The following SIGLEC11 variants were observed in gnomAD, a reference collection of about 807,000 sequenced individuals.
SIGLEC11 encodes sialic acid binding Ig like lectin 11.
SIGLEC11 carries 47 observed loss-of-function variants against 61.2 expected under a neutral mutation model. The ratio of observed to expected loss-of-function variants is 0.77; its 90% confidence interval spans 0.61 to 0.98. SIGLEC11 has a LOEUF of 0.98. Ranked by LOEUF, SIGLEC11 falls within the 50% of genes least tolerant of loss-of-function variation. SIGLEC11 has a pLI of 0.00. For synonymous variants in SIGLEC11, 278 were observed against 373.1 expected, an observed-to-expected ratio of 0.75 and a Z score of 2.94; for missense variants, 610 against 870.3, an observed-to-expected ratio of 0.70 and a Z score of 3.76.
In SIGLEC11 at chr19:49,951,329, A is replaced by G. The variant is rs570550360; in HGVS notation, c.1830+562T>C. Among the ~76,000 whole-genome samples the G allele has an allele frequency of 6.6e-6, 1 of 152,280 alleles. No individual in the cohort carries two copies. Among genetic ancestry groups the G allele is most frequent in the Non-Finnish European group, 1.5e-5 (1 of 68,014 alleles). On this transcript the variant is annotated intron_variant, in intron 10 of 10. Coordinates refer to ENST00000447370, the MANE Select transcript of SIGLEC11 (RefSeq NM_052884.3). The surrounding 1 kb of genome is among the most constrained non-coding windows in gnomAD (Gnocchi z 4.6). ...GGCCACCGGAAGCTGTGGGTTTGGT[A>G]TCTCCTGGACCTGCCCTGAGCACCT...
At chr19:49,953,356 C>T (rs1375198198) in intron 8 of SIGLEC11, among the ~76,000 whole-genome samples, 1 of 152,132 alleles carries the variant, frequency 6.6e-6, no homozygotes, top group Non-Finnish European at 1.5e-5. Context: ...GGGTGCCTAA[C>T]AGTCCGACCC....
chr19:49,958,997 G>C, intron 6 of SIGLEC11, 33 bp downstream of exon 6: 1 of 1,613,596 alleles, frequency 6.2e-7, no homozygotes, highest in Non-Finnish European at 8.5e-7. Context: ...GTTTGGCACT[G>C]AGAGGCCCTG....
chr19:49,959,113 C>T lies in SIGLEC11; in HGVS notation c.1058-36G>A, dbSNP rs369689146. ...GACAGGGGACCGGCTCTAGACAGAC[C>T]AGGGGCTTCCCTCTGGGTAAAGGGA... On this transcript the variant is annotated intron_variant, in intron 5 of 10. Transcript: ENST00000447370. 14 of 1,612,926 alleles carry T rather than the reference C, an allele frequency of 8.7e-6. No individual in the cohort carries two copies. In the African/African-American group the frequency reaches 1.9e-4, roughly 22 times the overall value.
chr19:49,954,215 C>T (rs2076179868), intron 8 of SIGLEC11, among the ~76,000 whole-genome samples: 1 of 152,080 alleles, frequency 6.6e-6, no homozygotes, highest in South Asian at 2.1e-4. Flanking sequence ...AGAAAAACCC[C>T]AGAAAGAGCA....
Position 49,951,800 on chromosome 19 carries a change from A to C in SIGLEC11, c.1830+91T>G, listed in dbSNP as rs1196977141. ...AGGAGCAAAACCCTATTTGGGGCAC[A>C]ATGATTCTGCAAGTCACCAAGAGGA... On this transcript the variant is annotated intron_variant, in intron 10 of 10. Coordinates refer to ENST00000447370, the MANE Select transcript of SIGLEC11 (RefSeq NM_052884.3). The surrounding 1 kb of genome is among the most constrained non-coding windows in gnomAD (Gnocchi z 4.6). 1.7e-6 allele frequency: 2 copies of C among 1,150,354 alleles called. No individual in the cohort carries two copies. Among genetic ancestry groups the C allele is most frequent in the African/African-American group, 3.1e-5 (2 of 64,030 alleles). 71.3% of individuals were successfully genotyped at this position (1,150,354 alleles called of 1,614,324 possible).
Position 49,958,537 on chromosome 19 carries a change from C to T in SIGLEC11, c.1397G>A (p.Trp466Ter). The change falls in exon 8 of 11, where the codon TGG (tryptophan) becomes TAG (stop). Residue 466 changes from tryptophan to a stop codon, truncating the protein, a stop_gained. Coordinates refer to ENST00000447370, the MANE Select transcript of SIGLEC11 (RefSeq NM_052884.3). LOFTEE classifies it high-confidence loss of function. ...PPQLLGPSCS[W>*]EAEGLHCSCS... ...GCTGCAGTGCAGACCCTCAGCCTCC[C>T]AGGAGCAGGAGGGGCCCAGCAGCTG... is the stretch of plus-strand genomic sequence containing the variant. The T allele has an allele frequency of 6.3e-7, 1 of 1,587,074 alleles. No individual in the cohort carries two copies. Among genetic ancestry groups the T allele is most frequent in the Non-Finnish European group, 8.6e-7 (1 of 1,167,202 alleles).
chr19:49,955,934 CAAAAA>C lies in SIGLEC11; in HGVS notation c.1651+2344_1651+2348del, dbSNP rs55957420. 1.1e-5 allele frequency among the ~76,000 whole-genome samples: 1 copy of C among 91,584 alleles called. No individual in the cohort carries two copies. The highest frequency in any genetic ancestry group is 2.5e-5 in the Non-Finnish European group (1 of 40,730). The allele number at this position is 91,584 out of a possible 152,430, so 60.1% of individuals were successfully genotyped here. A position where few individuals can be genotyped will look rare whatever the true frequency, so the allele number is the denominator to read the frequency against. ...AGGGCAACAGAGCGAGACTCCGTCT[CAAAAA>C]AAAAAAAAAAAAGAACTTGTACTTA... On this transcript the variant is annotated intron_variant, in intron 8 of 10. Transcript: ENST00000447370. The surrounding 1 kb of genome is among the most constrained non-coding windows in gnomAD (Gnocchi z 4.5).
In SIGLEC11 at chr19:49,958,445, TC is replaced by T. The variant is rs1221585039; in HGVS notation, c.1488del (p.Asn497ThrfsTer22). 6.2e-7 allele frequency: 1 copy of T among 1,613,416 alleles called. No individual in the cohort carries two copies. Among genetic ancestry groups the T allele is most frequent in the African/African-American group, 1.3e-5 (1 of 74,904 alleles). On this transcript the variant is annotated frameshift_variant, in exon 8 of 11. Coordinates refer to ENST00000447370, the MANE Select transcript of SIGLEC11 (RefSeq NM_052884.3). LOFTEE classifies it high-confidence loss of function. ...ACCTCGAAGGAGCCCTGACTGCTGT[TC>T]CCCTCCAGCAGCTCCTCCCCAAGCC... ...RWWLGEELLE[G>X]NSSQGSFEVT...
chr19:49,958,294 TG>T lies in SIGLEC11; in HGVS notation c.1639del (p.Gln547SerfsTer38), dbSNP rs752678812. ...CACAGTCCCCTCACCTGGTAGCAGC[TG>T]GAAGACAGAGCCACTCTGGGCCCCG... ...VHGAQSGSVFQLLPGKLEHGG... is the reference protein window; with the variant it reads ...VHGAQSGSVFXLLPGKLEHGG... On this transcript the variant is annotated frameshift_variant, in exon 8 of 11. Transcript: ENST00000447370. LOFTEE classifies it high-confidence loss of function. The T allele has an allele frequency of 2.5e-6, 4 of 1,614,054 alleles. No individual in the cohort carries two copies. Among genetic ancestry groups the T allele is most frequent in the South Asian group, 1.1e-5 (1 of 91,066 alleles).
Position 49,949,519 on chromosome 19 carries a change from T to A in SIGLEC11, c.*451A>T, listed in dbSNP as rs2076144112. 1 of 152,260 alleles carries A rather than the reference T, an allele frequency of 6.6e-6. No individual in the cohort carries two copies. The highest frequency in any genetic ancestry group is 2.1e-4 in the South Asian group (1 of 4,826). The allele number at this position is 152,260 out of a possible 1,614,324, so 9.4% of individuals were successfully genotyped here. A position where few individuals can be genotyped will look rare whatever the true frequency, so the allele number is the denominator to read the frequency against. ...GAACCATAGACACGATGCCTCAAAG[T>A]GTCATCTTCAAACTCGCTCTGAATT... On this transcript the variant is annotated 3_prime_UTR_variant, in exon 11 of 11. Transcript: ENST00000447370.
rs1457034481 is a variant in SIGLEC11, at chr19:49,950,200, CT to C, written c.1866del (p.Asp623ThrfsTer30). 1 of 1,600,372 alleles carries C rather than the reference CT, an allele frequency of 6.2e-7. No homozygotes were observed. Among genetic ancestry groups the C allele is most frequent in the African/African-American group, 1.3e-5 (1 of 74,648 alleles). ...GTGGCTGCACCTGGGGGCGGGTGGT[CT>C]TGGGAGCTGCCTGCCGAGCATTCAT... ...HQHECSAGSS[Q>X]DHPPPGAATY... is the part of the protein sequence containing the mutation. On this transcript the variant is annotated frameshift_variant, in exon 11 of 11. Transcript: ENST00000447370. LOFTEE classifies it low-confidence loss of function (END_TRUNC).
chr19:49,959,283 G>C, intron 5 of SIGLEC11, 77 bp downstream of exon 5: 1 of 1,582,240 alleles, frequency 6.3e-7, no homozygotes, highest in South Asian at 1.1e-5. Flanking sequence ...GACCCCCTCA[G>C]CTCTGGGACC....
At chr19:49,950,625 C>T (rs1245537306) in intron 10 of SIGLEC11, among the ~76,000 whole-genome samples, 1 of 152,152 alleles carries the variant, frequency 6.6e-6, no homozygotes, top group Non-Finnish European at 1.5e-5. Context: ...TCTCTGACTC[C>T]AGTGCCCGCT....
At chr19:49,954,295 C>G (rs201611696) in intron 8 of SIGLEC11, among the ~76,000 whole-genome samples, 12 of 152,188 alleles carry the variant, frequency 7.9e-5, no homozygotes, top group African/African-American at 2.9e-4. Flanking sequence ...CAGCCTACCC[C>G]CCTTTACTGA....
At position 49,950,155 on chromosome 19, in the gene SIGLEC11, C is replaced by T; in HGVS notation, c.1912G>A (p.Glu638Lys). ...GAGGCATAGTGGAGCTCCTGCTCTTCCCCCTTCCCCGGGGTGTAGGTGGCT... is the reference window on the plus strand; with the variant it reads ...GAGGCATAGTGGAGCTCCTGCTCTTTCCCCTTCCCCGGGGTGTAGGTGGCT... ...GAATYTPGKGEEQELHYASLS... is the reference protein window; with the variant it reads ...GAATYTPGKGKEQELHYASLS... The change falls in exon 11 of 11, where the codon GAA becomes AAA. Residue 638 changes from glutamate to lysine, a missense_variant. This residue lies in a region of SIGLEC11 where 432 missense variants were observed against 441.5 expected (regional missense o/e 0.98). Coordinates refer to ENST00000447370, the MANE Select transcript of SIGLEC11 (RefSeq NM_052884.3). 1 of 1,611,410 alleles carries T rather than the reference C, an allele frequency of 6.2e-7. No individual in the cohort carries two copies. Among genetic ancestry groups the T allele is most frequent in the Non-Finnish European group, 8.5e-7 (1 of 1,179,520 alleles).
In SIGLEC11 at chr19:49,950,232, T is replaced by C; in HGVS notation, c.1835A>G (p.His612Arg). 1 of 1,580,472 alleles carries C rather than the reference T, an allele frequency of 6.3e-7. No individual in the cohort carries two copies. Among genetic ancestry groups the C allele is most frequent in the Non-Finnish European group, 8.6e-7 (1 of 1,166,052 alleles). The change falls in exon 11 of 11, where the codon CAC becomes CGC. Residue 612 changes from histidine to arginine, a missense_variant. Physicochemically the swap from His to Arg is conservative, Grantham distance 29. Coordinates refer to ENST00000447370, the MANE Select transcript of SIGLEC11 (RefSeq NM_052884.3). ...GCTGCCTGCCGAGCATTCATGCTGG[T>C]GACCCTGAATGCAGGGGAGAAAGGG... is the stretch of plus-strand genomic sequence containing the variant. ...PSTLGPISQG[H>R]QHECSAGSSQ...
At position 49,949,432 on chromosome 19, in the gene SIGLEC11, C is replaced by T. The variant is rs2076143514; in HGVS notation, c.*538G>A. 1 of 152,104 alleles carries T rather than the reference C, an allele frequency of 6.6e-6. No individual in the cohort carries two copies. Among genetic ancestry groups the T allele is most frequent in the Non-Finnish European group, 1.5e-5 (1 of 68,050 alleles). 9.4% of individuals were successfully genotyped at this position (152,104 alleles called of 1,614,324 possible). On this transcript the variant is annotated 3_prime_UTR_variant, in exon 11 of 11. Transcript: ENST00000447370. Reference sequence around the variant, plus strand: ...AGCTGGCTTCTCGTTCTGGAGAGCACCCTGTGCCTCCTCTGCCTGGTTTCC... The same window carrying T: ...AGCTGGCTTCTCGTTCTGGAGAGCATCCTGTGCCTCCTCTGCCTGGTTTCC...
intron 8 of SIGLEC11, among the ~76,000 whole-genome samples, chr19:49,957,726 G>T (rs774636151): frequency 1.3e-5 from 2 of 152,188 alleles, no homozygotes; most frequent in Non-Finnish European, 2.9e-5. Flanking sequence ...CTTTAGCCGG[G>T]CGCGGTGGCA....
Position 49,960,713 on chromosome 19 carries a change from C to G in SIGLEC11, c.299G>C (p.Arg100Pro). 1 of 1,611,968 alleles carries G rather than the reference C, an allele frequency of 6.2e-7. No homozygotes were observed. Among genetic ancestry groups the G allele is most frequent in the Non-Finnish European group, 8.5e-7 (1 of 1,179,792 alleles). Residue 100 changes from arginine (R) to proline (P), a missense_variant, in exon 2 of 11, where the codon CGG (arginine) becomes CCG (proline). Arg to Pro is a moderately radical substitution (Grantham distance 103). This residue lies in a region of SIGLEC11 where 99 missense variants were observed against 131.6 expected (regional missense o/e 0.75). Coordinates refer to ENST00000447370, the MANE Select transcript of SIGLEC11 (RefSeq NM_052884.3). ...NQSREVEMST[R>P]DRFQLTGDPG... ...ATCCCCAGTGAGCTGGAATCGGTCCCGGGTGCTCATTTCCACCTCTCGACT... is the reference window on the plus strand; with the variant it reads ...ATCCCCAGTGAGCTGGAATCGGTCCGGGGTGCTCATTTCCACCTCTCGACT...
Sources: allele counts gnomAD v4.1 joint callset (sites outside exome capture counted in the v4.1 genomes callset), GRCh38; gene constraint gnomAD v4.1.1; regional missense constraint gnomAD v4.1.1; non-coding constraint Gnocchi (gnomAD v3.1); transcripts MANE v1.5; gene names NCBI Gene and HGNC (gene_info 2026-07-23, HGNC 2026-07-21).